PCDHGA7: variants seen among roughly 807,000 people sequenced by gnomAD.
PCDHGA7 encodes the protein protocadherin gamma-A7.
A neutral mutation model predicts 58.3 loss-of-function variants in PCDHGA7; 44 were observed. The observed-to-expected ratio is 0.75, with a 90% CI of 0.59 to 0.97. PCDHGA7 has a LOEUF of 0.97. Among genes scored for constraint, PCDHGA7 ranks in the 50% least tolerant of loss-of-function variants. The pLI is 0.00. For missense variants in PCDHGA7, 1,266 were observed against 1,188.7 expected, an observed-to-expected ratio of 1.06 and a Z score of -0.96; for synonymous variants, 516 against 504.2, an observed-to-expected ratio of 1.02 and a Z score of -0.31.
chr5:141,421,288 C>T, intron 1 of PCDHGA7: 1 of 1,613,312 alleles, frequency 6.2e-7, no homozygotes, highest in Non-Finnish European at 8.5e-7. Context: ...GTGCATTTTC[C>T]TGGGGACGCT....
intron 1 of PCDHGA7, chr5:141,388,812 G>C (rs775037681): frequency 6.2e-7 from 1 of 1,613,934 alleles, no homozygotes. Flanking sequence ...TTTTGAAGAA[G>C]TCAAAGAATA....
chr5:141,405,815 T>C (rs755764286), intron 1 of PCDHGA7, among the ~76,000 whole-genome samples: 14 of 103,812 alleles, frequency 1.3e-4, no homozygotes, highest in Non-Finnish European at 2.3e-4. Flanking sequence ...TCTTTAACTG[T>C]CTGTACTTAA....
intron 2 of PCDHGA7, among the ~76,000 whole-genome samples, chr5:141,500,901 G>A (rs984072329): frequency 7.6e-5 from 11 of 144,582 alleles, no homozygotes; most frequent in African/African-American, 2.6e-4. Flanking sequence ...AGACAGTCTC[G>A]CTCTGTCTCC....
rs376734880 is a variant in PCDHGA7 at position 141,400,487 on chromosome 5, T to C, written c.2424+15164T>C. On this transcript the variant is annotated intron_variant, in intron 1 of 3. Coordinates refer to ENST00000518325, the MANE Select transcript of PCDHGA7 (RefSeq NM_018920.4). Reference sequence around the variant, plus strand: ...GATTCATCTGGGGCCTTATTTCCACTTTGTAATTCCAGCGAGTCGACTTCC... The same window carrying C: ...GATTCATCTGGGGCCTTATTTCCACCTTGTAATTCCAGCGAGTCGACTTCC... 4.8e-5 allele frequency: 78 copies of C among 1,613,958 alleles called. No individual in the cohort carries two copies. Among genetic ancestry groups the C allele is most frequent in the Non-Finnish European group, 6.6e-5 (78 of 1,179,896 alleles).
rs549307445 is a variant in PCDHGA7, at chr5:141,400,703, G to T, written c.2424+15380G>T. On this transcript the variant is annotated intron_variant, in intron 1 of 3. Transcript: ENST00000518325. The stretch of plus-strand genomic sequence containing the variant: ...TTGTGAGTTTTTATGTCGCATAAAA[G>T]AAGTAGCCTTATAGATTTACAAAGT... 6 of 714,832 alleles carry T rather than the reference G, an allele frequency of 8.4e-6. No homozygotes were observed. In the Admixed American group the frequency reaches 1.4e-4, roughly 17 times the overall value. The allele number at this position is 714,832 out of a possible 1,614,324, so 44.3% of individuals were successfully genotyped here. A position where few individuals can be genotyped will look rare whatever the true frequency, so the allele number is the denominator to read the frequency against.
chr5:141,501,296 C>T (rs4912760), intron 2 of PCDHGA7, among the ~76,000 whole-genome samples: 1,659 of 80,026 alleles, frequency 0.021, 16 homozygotes, highest in African/African-American at 0.042. Flanking sequence ...CTTATACACA[C>T]ACACACACAC....
chr5:141,471,568 A>G (rs947450908), intron 1 of PCDHGA7: 3 of 152,214 alleles, frequency 2.0e-5, no homozygotes, highest in Non-Finnish European at 2.9e-5. Context: ...CAGGGGTAGC[A>G]GTAGATAGGG....
Position 141,423,601 on chromosome 5 carries a change from C to T in PCDHGA7, c.2424+38278C>T, listed in dbSNP as rs372165060. On this transcript the variant is annotated intron_variant, in intron 1 of 3. Transcript: ENST00000518325. The stretch of plus-strand genomic sequence containing the variant: ...GGAGAGCTGTGAGAAAAGCGAGCCA[C>T]TCTTGATAGCTGAAGACTCAGCTAT... The T allele has an allele frequency of 1.9e-6, 3 of 1,612,586 alleles. No homozygotes were observed. Among genetic ancestry groups the T allele is most frequent in the Admixed American group, 1.7e-5 (1 of 59,924 alleles).
intron 1 of PCDHGA7, chr5:141,398,707 C>G (rs1257471989): frequency 6.8e-6 from 11 of 1,613,742 alleles, no homozygotes; most frequent in African/African-American, 1.3e-5. Context: ...ATACCCGGAA[C>G]TGGCACTGGA....
intron 1 of PCDHGA7, among the ~76,000 whole-genome samples, chr5:141,453,490 G>A (rs921556476): frequency 6.6e-6 from 1 of 151,922 alleles, no homozygotes; most frequent in Admixed American, 6.6e-5. Flanking sequence ...TTAAAAAAAG[G>A]TGTACTCAGA....
intron 1 of PCDHGA7, chr5:141,418,306 GA>G: frequency 6.2e-7 from 1 of 1,614,032 alleles, no homozygotes; most frequent in East Asian, 2.2e-5. Flanking sequence ...TCAGCCTGGG[GA>G]TGGGAACAAT....
chr5:141,511,711 T>G lies in PCDHGA7; in HGVS notation c.*538T>G. 1 of 185,916 alleles carries G rather than the reference T, an allele frequency of 5.4e-6. No individual in the cohort carries two copies. Among genetic ancestry groups the G allele is most frequent in the South Asian group, 1.1e-4 (1 of 8,818 alleles). The allele number at this position is 185,916 out of a possible 1,614,324, so 11.5% of individuals were successfully genotyped here. A position where few individuals can be genotyped will look rare whatever the true frequency, so the allele number is the denominator to read the frequency against. Reference sequence around the variant, plus strand: ...GTTTGGTGCCAGCCCCTTCACCTCCTTCCAGAGCCCAAGATCAATGCTCAA... The same window carrying G: ...GTTTGGTGCCAGCCCCTTCACCTCCGTCCAGAGCCCAAGATCAATGCTCAA... On this transcript the variant is annotated 3_prime_UTR_variant, in exon 4 of 4. Transcript: ENST00000518325.
rs966009387 is a variant in PCDHGA7, at chr5:141,511,564, G to A, written c.*391G>A. The A allele has an allele frequency of 3.0e-5, 9 of 295,900 alleles. No individual in the cohort carries two copies. The highest frequency in any genetic ancestry group is 4.6e-5 in the Non-Finnish European group (7 of 151,798). The allele number at this position is 295,900 out of a possible 1,614,324, so 18.3% of individuals were successfully genotyped here. A position where few individuals can be genotyped will look rare whatever the true frequency, so the allele number is the denominator to read the frequency against. ...CCCACTCCAACAGTTCCTCTTTCCC[G>A]AGTAAGGTGGTTGGGGTGTTGAAGT... On this transcript the variant is annotated 3_prime_UTR_variant, in exon 4 of 4. Transcript: ENST00000518325.
Position 141,510,980 on chromosome 5 carries a change from G to C in PCDHGA7, c.2606G>C (p.Gly869Ala), listed in dbSNP as rs1466168256. 12 of 1,614,170 alleles carry C rather than the reference G, an allele frequency of 7.4e-6. No individual in the cohort carries two copies. The highest frequency in any genetic ancestry group is 9.3e-6 in the Non-Finnish European group (11 of 1,180,014). ...AADGSSTLGG[G>A]AGTMGLSARY... ...GATGGGAGCTCCACCCTGGGAGGGG[G>C]TGCCGGCACCATGGGATTGAGCGCC... is the stretch of plus-strand genomic sequence containing the variant. Residue 869 changes from glycine (G) to alanine (A), a missense_variant, in exon 4 of 4, where the codon GGT becomes GCT. By Grantham distance (60) the Gly-to-Ala change is moderately conservative (BLOSUM62 0). Transcript: ENST00000518325.
chr5:141,488,502 C>T (rs989368385), intron 1 of PCDHGA7, among the ~76,000 whole-genome samples: 2 of 152,146 alleles, frequency 1.3e-5, no homozygotes, highest in Non-Finnish European at 2.9e-5. Context: ...ACACTCATTC[C>T]ACATTTGGGG....
At chr5:141,403,054 A>C in intron 1 of PCDHGA7, 1 of 1,614,062 alleles carries the variant, frequency 6.2e-7, no homozygotes, top group Middle Eastern at 1.6e-4. Flanking sequence ...TTCGCTACTC[A>C]GTGCCTGAAG....
intron 1 of PCDHGA7, chr5:141,403,495 C>A: frequency 6.2e-7 from 1 of 1,614,014 alleles, no homozygotes; most frequent in Non-Finnish European, 8.5e-7. Context: ...TCTCCCTGAA[C>A]GTGCAGACTG....
At chr5:141,404,495 T>A in intron 1 of PCDHGA7, 1 of 1,613,920 alleles carries the variant, frequency 6.2e-7, no homozygotes, top group South Asian at 1.1e-5. Context: ...TGGTGTGCTG[T>A]ATGCTCTGTG....
chr5:141,400,321 G>A lies in PCDHGA7; in HGVS notation c.2424+14998G>A, dbSNP rs190006023. On this transcript the variant is annotated intron_variant, in intron 1 of 3. Coordinates refer to ENST00000518325, the MANE Select transcript of PCDHGA7 (RefSeq NM_018920.4). ...CCAACCTGGTCTCTGTGTCAAGTCTGGACCTGTGGTTCCCCCCAACTACAG... is the reference window on the plus strand; with the variant it reads ...CCAACCTGGTCTCTGTGTCAAGTCTAGACCTGTGGTTCCCCCCAACTACAG... The A allele has an allele frequency of 9.3e-6, 15 of 1,614,064 alleles. No homozygotes were observed. In the Admixed American group the frequency reaches 2.5e-4, roughly 27 times the overall value.
Sources: gnomAD v4.1 joint callset for allele counts (sites outside exome capture counted in the v4.1 genomes callset) on GRCh38, gnomAD v4.1.1 for gene constraint, MANE v1.5 for transcripts, NCBI Gene and HGNC (gene_info 2026-07-23, HGNC 2026-07-21) for gene names.